SYNCRIP: variants seen among roughly 807,000 people sequenced by gnomAD.
SYNCRIP encodes heterogeneous nuclear ribonucleoprotein Q.
In SYNCRIP, 9 loss-of-function variants were observed where a neutral mutation model predicts 68.9. The observed-to-expected ratio is 0.13, with a 90% confidence interval of 0.08 to 0.23. SYNCRIP has a LOEUF of 0.23. Among genes scored for constraint, SYNCRIP ranks in the 10% least tolerant of loss-of-function variants. SYNCRIP has a pLI of 1.00. For missense variants in SYNCRIP, 414 were observed against 770.6 expected, an observed-to-expected ratio of 0.54 and a Z score of 5.48; for synonymous variants, 258 against 254.0, an observed-to-expected ratio of 1.02 and a Z score of -0.15.
At chr6:85,626,603 A>C (rs2128289689) in intron 6 of SYNCRIP, among the ~76,000 whole-genome samples, 1 of 152,338 alleles carries the variant, frequency 6.6e-6, no homozygotes, top group South Asian at 2.1e-4. Flanking sequence ...GAGGAACCAA[A>C]ATCCTTATAA....
At chr6:85,634,255 A>G (rs1356955351) in intron 6 of SYNCRIP, among the ~76,000 whole-genome samples, 1 of 152,218 alleles carries the variant, frequency 6.6e-6, no homozygotes, top group Non-Finnish European at 1.5e-5. Context: ...CACTGTTACT[A>G]ATGGATTATA....
chr6:85,619,025 T>C (rs1806090417), intron 9 of SYNCRIP, 86 bp from the exon 10 acceptor site: 10 of 1,391,804 alleles, frequency 7.2e-6, no homozygotes, highest in South Asian at 6.3e-5. Context: ...TTATCATTAA[T>C]GTGGGAAGGA....
chr6:85,619,820 T>C (rs1229775280), intron 8 of SYNCRIP, among the ~76,000 whole-genome samples: 1 of 152,222 alleles, frequency 6.6e-6, no homozygotes, highest in Non-Finnish European at 1.5e-5. Flanking sequence ...GAAAGACAGT[T>C]TGGCGATTTC....
At chr6:85,616,225 A>G (rs1011839203) in intron 10 of SYNCRIP, among the ~76,000 whole-genome samples, 1 of 152,232 alleles carries the variant, frequency 6.6e-6, no homozygotes. Context: ...CTTAAAACTT[A>G]GTGATTATTT....
At chr6:85,626,565 T>C (rs888884246) in intron 6 of SYNCRIP, among the ~76,000 whole-genome samples, 2 of 152,160 alleles carry the variant, frequency 1.3e-5, no homozygotes, top group African/African-American at 4.8e-5. Flanking sequence ...CTTGAATTCT[T>C]AGTTCTACCA....
Position 85,614,908 on chromosome 6 carries a change from C to A in SYNCRIP, c.1720G>T (p.Asp574Tyr). Residue 574 changes from aspartate to tyrosine, a missense_variant, in exon 11 of 11, where the codon GAT becomes TAT. This residue lies in a region of SYNCRIP where 130 missense variants were observed against 149.0 expected (regional missense o/e 0.87). Transcript: ENST00000369622. ...TTATTGGTCTGGCGCCGCTTGGAAT[C>A]TGGCTGGTTGTACCCATCAGCTTTG... ...KRKADGYNQP[D>Y]SKRRQTNNQN... 1.2e-6 allele frequency: 2 copies of A among 1,614,206 alleles called. No individual in the cohort carries two copies. Among genetic ancestry groups the A allele is most frequent in the South Asian group, 2.2e-5 (2 of 91,082 alleles).
chr6:85,611,391 C>T (rs1353960348), downstream of SYNCRIP: 8 of 152,484 alleles, frequency 5.2e-5, no homozygotes, highest in African/African-American at 1.4e-4. Flanking sequence ...GAACATATGA[C>T]ATGTCTGATT....
At position 85,623,242 on chromosome 6, in the gene SYNCRIP, A is replaced by AC. The variant is rs1806621982; in HGVS notation, c.803-556_803-555insG. ...CTTAAAAGTTGTTACAGTTCAAAAA[A>AC]TTTTTTTACCATGTTGACAATATAT... On this transcript the variant is annotated intron_variant, in intron 7 of 10. Coordinates refer to ENST00000369622, the MANE Select transcript of SYNCRIP (RefSeq NM_006372.5). Among the ~76,000 whole-genome samples, 3 of 152,008 alleles carry AC rather than the reference A, an allele frequency of 2.0e-5. No individual in the cohort carries two copies. In the South Asian group the frequency reaches 6.2e-4, roughly 32 times the overall value.
intron 7 of SYNCRIP, among the ~76,000 whole-genome samples, chr6:85,623,248 T>C (rs535504149): frequency 6.6e-6 from 1 of 152,216 alleles, no homozygotes; most frequent in African/African-American, 2.4e-5. Context: ...AAAAATTTTT[T>C]TACCATGTTG....
intron 4 of SYNCRIP, among the ~76,000 whole-genome samples, 194 bp downstream of exon 4, chr6:85,640,027 G>C (rs77775282): frequency 0.012 from 1,766 of 152,196 alleles, 33 homozygotes; most frequent in East Asian, 0.091. Context: ...TCAGTAGCTG[G>C]ATAACATGAT....
chr6:85,638,485 A>G (rs909505007), intron 4 of SYNCRIP, among the ~76,000 whole-genome samples: 1 of 152,072 alleles, frequency 6.6e-6, no homozygotes, highest in African/African-American at 2.4e-5. Context: ...ACAAAGCACA[A>G]AAGTGGTTTT....
intron 4 of SYNCRIP, among the ~76,000 whole-genome samples, chr6:85,639,833 G>A (rs1808917959): frequency 6.6e-6 from 1 of 152,008 alleles, no homozygotes; most frequent in Middle Eastern, 3.2e-3. Flanking sequence ...AGGGCAGCAG[G>A]GTTAACATTC....
chr6:85,637,015 C>T lies in SYNCRIP; in HGVS notation c.618G>A (p.Ala206=), dbSNP rs750992122. 6.2e-6 allele frequency: 10 copies of T among 1,613,248 alleles called. No individual in the cohort carries two copies. Among genetic ancestry groups the T allele is most frequent in the African/African-American group, 2.7e-5 (2 of 74,886 alleles). The stretch of plus-strand genomic sequence containing the variant: ...CTTCTTTTGTACAAAAAGTGACAAA[C>T]GCATAACCTCTATTGAGACCAGTGA... ...DPLTGLNRGY[A]FVTFCTKEAA... Residue 206 remains alanine (A), a synonymous_variant, in exon 6 of 11, where the codon GCG becomes GCA. Transcript: ENST00000369622.
At chr6:85,611,427 G>A (rs554932280), downstream of SYNCRIP, 3 of 152,578 alleles carry the variant, frequency 2.0e-5, no homozygotes, top group African/African-American at 7.2e-5. Context: ...CATTTACTGG[G>A]GAACTGGTGT....
chr6:85,618,150 G>GA (rs1805987495), intron 10 of SYNCRIP, among the ~76,000 whole-genome samples: 2 of 148,632 alleles, frequency 1.3e-5, no homozygotes, highest in Admixed American at 6.6e-5. Context: ...ATCTCTCAGA[G>GA]AAAAAACTCT....
At chr6:85,628,518 T>C (rs956987913) in intron 6 of SYNCRIP, among the ~76,000 whole-genome samples, 3 of 152,200 alleles carry the variant, frequency 2.0e-5, no homozygotes, top group African/African-American at 7.2e-5. Context: ...TCCCTGATAA[T>C]GGCAAACTAA....
intron 7 of SYNCRIP, among the ~76,000 whole-genome samples, chr6:85,623,407 C>A (rs1468074096): frequency 6.6e-6 from 1 of 151,258 alleles, no homozygotes. Flanking sequence ...CTACAAAAGA[C>A]GCAAAAATTA....
intron 8 of SYNCRIP, among the ~76,000 whole-genome samples, chr6:85,622,026 A>T (rs992406660): frequency 2.0e-5 from 3 of 149,022 alleles, no homozygotes; most frequent in African/African-American, 7.8e-5. Flanking sequence ...CGCACTGCCT[A>T]GTCCCGTAGT....
At chr6:85,608,150 G>T (rs1336123430), downstream of SYNCRIP, 1 of 152,036 alleles carries the variant, frequency 6.6e-6, no homozygotes, top group Non-Finnish European at 1.5e-5. Flanking sequence ...TTCCAGTAAT[G>T]TGATTGCAAC....
Sources: gnomAD v4.1 joint callset for allele counts (sites outside exome capture counted in the v4.1 genomes callset) on GRCh38, gnomAD v4.1.1 for gene constraint, gnomAD v4.1.1 regional missense constraint, MANE v1.5 for transcripts, NCBI Gene and HGNC (gene_info 2026-07-23, HGNC 2026-07-21) for gene names.